IMPA1: variants seen among roughly 807,000 people sequenced by gnomAD.
IMPA1 encodes the protein inositol monophosphatase 1.
Under a neutral mutation model 34.9 loss-of-function variants are expected in IMPA1, and 21 were observed. That is an observed-to-expected ratio of 0.60 (90% CI 0.43 to 0.87). The LOEUF is 0.87. Among genes scored for constraint, IMPA1 ranks in the 40% least tolerant of loss-of-function variants. The probability of loss-of-function intolerance (pLI) is 0.00; values close to 1 mark genes in which losing one functional copy is unlikely to be tolerated. For synonymous variants in IMPA1, 95 were observed against 104.4 expected, an observed-to-expected ratio of 0.91 and a Z score of 0.55; for missense variants, 299 against 336.4, an observed-to-expected ratio of 0.89 and a Z score of 0.87.
intron 7 of IMPA1, among the ~76,000 whole-genome samples, chr8:81,666,612 G>T (rs204793): frequency 1.3e-5 from 2 of 152,138 alleles, no homozygotes; most frequent in Non-Finnish European, 2.9e-5. Flanking sequence ...AGTGGCTCAC[G>T]CCTGTAATCC....
chr8:81,685,863 A>T, intron 1 of IMPA1: 1 of 1,549,158 alleles, frequency 6.5e-7, no homozygotes, highest in Non-Finnish European at 8.7e-7. Context: ...CCTTTTTGCC[A>T]CCTGTCCCAG....
intron 7 of IMPA1, among the ~76,000 whole-genome samples, chr8:81,667,166 T>G (rs1806853487): frequency 6.6e-6 from 1 of 152,108 alleles, no homozygotes; most frequent in Admixed American, 6.6e-5. Context: ...GGCTATATAC[T>G]GAATGTCATA....
chr8:81,667,527 G>C (rs767150361), intron 7 of IMPA1, among the ~76,000 whole-genome samples: 3 of 152,002 alleles, frequency 2.0e-5, no homozygotes, highest in Non-Finnish European at 4.4e-5. Flanking sequence ...CTTTGAAATG[G>C]GTAATAGGTA....
At chr8:81,681,221 C>T (rs1320034135) in intron 2 of IMPA1, among the ~76,000 whole-genome samples, 2 of 152,026 alleles carry the variant, frequency 1.3e-5, no homozygotes, top group African/African-American at 2.4e-5. Flanking sequence ...CATCTCCACA[C>T]AAAAATTTAA....
At position 81,660,616 on chromosome 8, in the gene IMPA1, G is replaced by T; in HGVS notation, c.618C>A (p.Gly206=). Residue 206 remains glycine (G), a synonymous_variant, in exon 8 of 9, where the codon GGC becomes GGA. Transcript: ENST00000256108. ...CCATTTCATAATATGCATCTGCTCC[G>T]CCAGTTGCCACAAGGCACATATTAA... ...AAVNMCLVAT[G]GADAYYEMGI... 1 of 1,611,450 alleles carries T rather than the reference G, an allele frequency of 6.2e-7. No individual in the cohort carries two copies. Among genetic ancestry groups the T allele is most frequent in the Admixed American group, 1.7e-5 (1 of 59,988 alleles).
intron 7 of IMPA1, among the ~76,000 whole-genome samples, chr8:81,664,461 G>A (rs1358716724): frequency 6.6e-6 from 1 of 152,218 alleles, no homozygotes; most frequent in Non-Finnish European, 1.5e-5. Flanking sequence ...GAAAGAACAA[G>A]GAGGAGCAGA....
Position 81,686,287 on chromosome 8 carries a change from G to T in IMPA1, c.-60C>A, listed in dbSNP as rs137873789. ...AGGACGTCCGGCTAGCTCTGTGAAC[G>T]GTGTTACCGCACTCGTCTCTTCCGG... On this transcript the variant is annotated 5_prime_UTR_variant, in exon 1 of 9. Transcript: ENST00000256108. 399 of 992,728 alleles carry T rather than the reference G, an allele frequency of 4.0e-4. 4 individuals carry two copies. In the African/African-American group the frequency reaches 5.7e-3, roughly 14 times the overall value. 61.5% of individuals were successfully genotyped at this position (992,728 alleles called of 1,614,324 possible).
At chr8:81,685,599 T>C (rs1275550658) in intron 1 of IMPA1, among the ~76,000 whole-genome samples, 1 of 147,168 alleles carries the variant, frequency 6.8e-6, no homozygotes, top group African/African-American at 2.5e-5. Flanking sequence ...ATGTACTATA[T>C]ATAAGTATAT....
At chr8:81,685,687 T>C in intron 1 of IMPA1, 1 of 583,072 alleles carries the variant, frequency 1.7e-6, no homozygotes, top group East Asian at 6.8e-5. Context: ...TATATAGTTA[T>C]ATATAATATA....
chr8:81,671,791 G>A (rs376323366), intron 6 of IMPA1, among the ~76,000 whole-genome samples: 17 of 152,192 alleles, frequency 1.1e-4, no homozygotes, highest in Non-Finnish European at 1.6e-4. Flanking sequence ...CAGCTACTCC[G>A]GAGGCTGAGG....
chr8:81,664,682 C>T (rs1403854881), intron 7 of IMPA1, among the ~76,000 whole-genome samples: 3 of 151,816 alleles, frequency 2.0e-5, no homozygotes, highest in Non-Finnish European at 4.4e-5. Context: ...AGAGATGGTA[C>T]TCCTTGGAAA....
chr8:81,661,704 A>G (rs1044599676), intron 7 of IMPA1, among the ~76,000 whole-genome samples: 3 of 152,178 alleles, frequency 2.0e-5, no homozygotes, highest in Non-Finnish European at 4.4e-5. Context: ...AAATTTGAAT[A>G]AAGTCTTATA....
rs1806597504 is a variant in IMPA1 at position 81,659,323 on chromosome 8, A to G, written c.*28T>C. 1 of 1,254,762 alleles carries G rather than the reference A, an allele frequency of 8.0e-7. No individual in the cohort carries two copies. Among genetic ancestry groups the G allele is most frequent in the Non-Finnish European group, 1.2e-6 (1 of 852,402 alleles). The allele number at this position is 1,254,762 out of a possible 1,614,324, so 77.7% of individuals were successfully genotyped here. On this transcript the variant is annotated 3_prime_UTR_variant, in exon 9 of 9. Coordinates refer to ENST00000256108, the MANE Select transcript of IMPA1 (RefSeq NM_005536.4). ...GAGTCACCAAATCTGGGGAAAAGCA[A>G]CTGGGATTGACTATGAGGCTGCCTT...
intron 3 of IMPA1, 28 bp downstream of exon 3, chr8:81,680,622 A>G: frequency 6.5e-7 from 1 of 1,539,982 alleles, no homozygotes; most frequent in Non-Finnish European, 8.9e-7. Context: ...GATAATAAAC[A>G]TTTCTTGTAC....
At position 81,657,530 on chromosome 8, in the gene IMPA1, G is replaced by A. The variant is rs1806550520; in HGVS notation, c.*1821C>T. Among the ~76,000 whole-genome samples the A allele has an allele frequency of 6.6e-6, 1 of 152,096 alleles. No homozygotes were observed. Among genetic ancestry groups the A allele is most frequent in the Non-Finnish European group, 1.5e-5 (1 of 68,014 alleles). On this transcript the variant is annotated 3_prime_UTR_variant, in exon 9 of 9. Transcript: ENST00000256108. The stretch of plus-strand genomic sequence containing the variant: ...CAGAAGGTTGAGACTGCAATGAATG[G>A]TGATCATGCCACTGCATTACTGTTT...
At chr8:81,662,539 G>A (rs1806709191) in intron 7 of IMPA1, among the ~76,000 whole-genome samples, 1 of 152,124 alleles carries the variant, frequency 6.6e-6, no homozygotes, top group South Asian at 2.1e-4. Context: ...TCTGCACTAT[G>A]TGTTCTGAAT....
At position 81,680,708 on chromosome 8, in the gene IMPA1, C is replaced by A. The variant is rs771024713; in HGVS notation, c.139G>T (p.Asp47Tyr). ...SSPVDLVTAT[D>Y]QKVEKMLISS... ...ATAAGCATTTTTTCAACTTTTTGGTCCGTAGCAGTTACCAAATCAACTGGA... is the reference window on the plus strand; with the variant it reads ...ATAAGCATTTTTTCAACTTTTTGGTACGTAGCAGTTACCAAATCAACTGGA... The change falls in exon 3 of 9, where the codon GAC becomes TAC. Residue 47 changes from aspartate (D) to tyrosine (Y), a missense_variant. Transcript: ENST00000256108. 6.2e-7 allele frequency: 1 copy of A among 1,612,646 alleles called. No individual in the cohort carries two copies. The highest frequency in any genetic ancestry group is 2.2e-5 in the East Asian group (1 of 44,848).
chr8:81,679,368 C>T (rs1807225176), intron 3 of IMPA1, 138 bp from the exon 4 acceptor site: 1 of 626,162 alleles, frequency 1.6e-6, no homozygotes. Context: ...AATCCCAGCA[C>T]TTTGGGAGGC....
At chr8:81,678,425 T>A (rs948330104) in intron 4 of IMPA1, among the ~76,000 whole-genome samples, 3 of 152,176 alleles carry the variant, frequency 2.0e-5, no homozygotes, top group Admixed American at 1.3e-4. Context: ...GGTGCAGTGG[T>A]TCACGCCTGT....
Sources: gnomAD v4.1 joint callset for allele counts (sites outside exome capture counted in the v4.1 genomes callset) on GRCh38, gnomAD v4.1.1 for gene constraint, MANE v1.5 for transcripts, NCBI Gene and HGNC (gene_info 2026-07-23, HGNC 2026-07-21) for gene names.